CDC42BPG: variants seen among roughly 807,000 people sequenced by gnomAD.
CDC42BPG encodes the protein CDC42 binding protein kinase gamma.
In CDC42BPG, 157 loss-of-function variants were observed where a neutral mutation model predicts 192.2. That is an observed-to-expected ratio of 0.82 (90% CI 0.72 to 0.93). The LOEUF (loss-of-function observed/expected upper bound fraction) is 0.93. Ranked by LOEUF, CDC42BPG falls within the 40% of genes least tolerant of loss-of-function variation. The probability of loss-of-function intolerance (pLI) is 0.00; values close to 1 mark genes in which losing one functional copy is unlikely to be tolerated. For synonymous variants in CDC42BPG, 981 were observed against 918.5 expected (o/e 1.07, Z -1.23); for missense variants, 1,992 against 2,122.1 (o/e 0.94, Z 1.20).
rs780862462 is a variant in CDC42BPG, at chr11:64,829,715, G to A, written c.3723C>T (p.Gly1241=). The A allele has an allele frequency of 9.3e-6, 15 of 1,610,040 alleles. 1 individual carries two copies. The highest frequency in any genetic ancestry group is 6.7e-5 in the African/African-American group (5 of 74,892). Residue 1241 remains glycine (G), a synonymous_variant, in exon 30 of 37, where the codon GGC becomes GGT. Coordinates refer to ENST00000342711, the MANE Select transcript of CDC42BPG (RefSeq NM_017525.3). ...GGTAGAGTGCAAAGCCACCGGCGGC[G>A]CCCACACATAGCCGGTCGCCCAGCA... The part of the protein sequence containing the change: ...LGLLGDRLCV[G]AAGGFALYPL...
rs148155039 is a variant in CDC42BPG, at chr11:64,829,985, G to C, written c.3453C>G (p.Arg1151=). 4 of 1,612,908 alleles carry C rather than the reference G, an allele frequency of 2.5e-6. No individual in the cohort carries two copies. The highest frequency in any genetic ancestry group is 3.4e-6 in the Non-Finnish European group (4 of 1,179,880). ...GGGCAAAGAGACGCACGCTGGGGCCGCGGCCACACAGCACGACCAGCAGGC... is the reference window on the plus strand; with the variant it reads ...GGGCAAAGAGACGCACGCTGGGGCCCCGGCCACACAGCACGACCAGCAGGC... ...SAGLLVVLCG[R]GPSVRLFALA... Residue 1151 remains arginine (R), a synonymous_variant, in exon 30 of 37, where the codon CGC becomes CGG. Coordinates refer to ENST00000342711, the MANE Select transcript of CDC42BPG (RefSeq NM_017525.3).
At chr11:64,833,200 T>C in intron 24 of CDC42BPG, 31 bp downstream of exon 24, 1 of 1,496,202 alleles carries the variant, frequency 6.7e-7, no homozygotes, top group Non-Finnish European at 9.1e-7. Flanking sequence ...CCTGGGACCG[T>C]GGCTGGAGCA....
Position 64,831,666 on chromosome 11 carries a change from G to C in CDC42BPG, c.3143C>G (p.Ala1048Gly). ...PPTTCTVLLL[A>G]ESEGERERWL... ...GCGTTCCCGCTCCCCCTCGCTCTCT[G>C]CCAGCAGCAGCACAGTGCACGTGGT... The change falls in exon 28 of 37, where the codon GCA (alanine) becomes GGA (glycine). Residue 1048 changes from alanine (A) to glycine (G), a missense_variant. Coordinates refer to ENST00000342711, the MANE Select transcript of CDC42BPG (RefSeq NM_017525.3). The C allele has an allele frequency of 2.5e-6, 4 of 1,609,412 alleles. No individual in the cohort carries two copies. Among genetic ancestry groups the C allele is most frequent in the Non-Finnish European group, 3.4e-6 (4 of 1,179,570 alleles).
intron 27 of CDC42BPG, among the ~76,000 whole-genome samples, chr11:64,832,182 G>A (rs562623950): frequency 1.3e-5 from 2 of 152,236 alleles, no homozygotes; most frequent in Admixed American, 6.5e-5. Context: ...GAGAGGGCTG[G>A]GAGGCCTGCA....
chr11:64,832,696 A>G lies in CDC42BPG; in HGVS notation c.2913T>C (p.Ala971=), dbSNP rs757704805. 6.2e-7 allele frequency: 1 copy of G among 1,613,012 alleles called. No homozygotes were observed. Among genetic ancestry groups the G allele is most frequent in the Non-Finnish European group, 8.5e-7 (1 of 1,179,596 alleles). Residue 971 remains alanine (A), a synonymous_variant, in exon 26 of 37, where the codon GCT becomes GCC. Transcript: ENST00000342711. ...GCAGCAGGCGTGAGTCACTCAGGGC[A>G]GCAAACACGCGCTGCCAGCCCCGCC... is the stretch of plus-strand genomic sequence containing the variant. The part of the protein sequence containing the change: ...GVRRGWQRVF[A]ALSDSRLLLF...
In CDC42BPG at chr11:64,836,947, C is replaced by T. The variant is rs1360650660; in HGVS notation, c.1278G>A (p.Lys426=). ...ERKLQCLEQE[K]VELSRKHQEA... ...CTTGGTGCTTCCTGCTCAGCTCCAC[C>T]TTCTCCTGCTCCAGACACTGGAGCT... Residue 426 remains lysine (K), a synonymous_variant, in exon 10 of 37, where the codon AAG becomes AAA. Coordinates refer to ENST00000342711, the MANE Select transcript of CDC42BPG (RefSeq NM_017525.3). 9 of 1,613,372 alleles carry T rather than the reference C, an allele frequency of 5.6e-6. No individual in the cohort carries two copies. The highest frequency in any genetic ancestry group is 7.6e-6 in the Non-Finnish European group (9 of 1,179,946).
chr11:64,832,935 G>C lies in CDC42BPG; in HGVS notation c.2756C>G (p.Thr919Ser). Residue 919 changes from threonine (T) to serine (S), a missense_variant, in exon 25 of 37, where the codon ACC (threonine) becomes AGC (serine). Thr to Ser is a moderately conservative substitution (Grantham distance 58). This residue lies in a region of CDC42BPG where 1,656 missense variants were observed against 1,844.3 expected (regional missense o/e 0.90). Transcript: ENST00000342711. Reference protein sequence around the residue: ...CDACGYFCHTTCAPQAPPCPV... With the variant: ...CDACGYFCHTSCAPQAPPCPV... ...GCAGGGTGGGGCCTGTGGGGCACAGGTTGTGTGACAAAAGTAGCCGCAGGC... is the reference window on the plus strand; with the variant it reads ...GCAGGGTGGGGCCTGTGGGGCACAGCTTGTGTGACAAAAGTAGCCGCAGGC... 2 of 1,538,890 alleles carry C rather than the reference G, an allele frequency of 1.3e-6. No homozygotes were observed. The highest frequency in any genetic ancestry group is 1.4e-5 in the African/African-American group (1 of 72,640).
intron 9 of CDC42BPG, 126 bp from the exon 10 acceptor site, chr11:64,837,145 C>A (rs1410183483): frequency 2.4e-6 from 2 of 824,672 alleles, no homozygotes; most frequent in South Asian, 1.6e-5. Flanking sequence ...TCGGGAGACC[C>A]CAGACTGGTG....
chr11:64,844,355 G>T, intron 1 of CDC42BPG, 55 bp downstream of exon 1: 3 of 1,326,806 alleles, frequency 2.3e-6, no homozygotes, highest in Non-Finnish European at 2.9e-6. Context: ...GGGTGCGGGG[G>T]TCTCGGCGCG....
intron 1 of CDC42BPG, 66 bp from the exon 2 acceptor site, chr11:64,841,970 G>T: frequency 7.5e-7 from 1 of 1,328,800 alleles, no homozygotes; most frequent in Non-Finnish European, 1.1e-6. Flanking sequence ...TCTCACCTTG[G>T]GCAAGCCAGG....
chr11:64,840,556 G>C lies in CDC42BPG; in HGVS notation c.429C>G (p.Tyr143Ter). The change falls in exon 4 of 37, where the codon TAC (tyrosine) becomes TAG (stop). Residue 143 changes from tyrosine (Y) to a stop codon, truncating the protein, a stop_gained. Coordinates refer to ENST00000342711, the MANE Select transcript of CDC42BPG (RefSeq NM_017525.3). LOFTEE classifies it high-confidence loss of function. ...CAGCCCCGCCACGTATCCTCACCAGGTACTCCTCGTCTTGGAAGGCATAGT... is the reference window on the plus strand; with the variant it reads ...CAGCCCCGCCACGTATCCTCACCAGCTACTCCTCGTCTTGGAAGGCATAGT... ...TLHYAFQDEEYLYLVMDYYAG... is the reference protein window; with the variant it reads ...TLHYAFQDEE The C allele has an allele frequency of 6.2e-7, 1 of 1,613,708 alleles. No homozygotes were observed. Among genetic ancestry groups the C allele is most frequent in the East Asian group, 2.2e-5 (1 of 44,870 alleles).
rs375268285 is a variant in CDC42BPG at position 64,827,512 on chromosome 11, C to A, written c.4150+15G>T. 5.6e-6 allele frequency: 9 copies of A among 1,611,568 alleles called. No individual in the cohort carries two copies. Among genetic ancestry groups the A allele is most frequent in the African/African-American group, 2.7e-5 (2 of 74,866 alleles). On this transcript the variant is annotated intron_variant, in intron 32 of 36. Coordinates refer to ENST00000342711, the MANE Select transcript of CDC42BPG (RefSeq NM_017525.3). ...ACTGGGGAACGCACACACCCGTACA[C>A]ACGCACTCCCTCACCTGCCAGCTGG... is the stretch of plus-strand genomic sequence containing the variant.
Position 64,835,380 on chromosome 11 carries a change from C to T in CDC42BPG, c.1920G>A (p.Glu640=). 5 of 1,613,998 alleles carry T rather than the reference C, an allele frequency of 3.1e-6. No homozygotes were observed. The highest frequency in any genetic ancestry group is 3.4e-6 in the Non-Finnish European group (4 of 1,180,018). ...GKEEALCQLQ[E]ENRRLSREQE... ...GCTCCCGGCTCAGCCTCCGGTTTTC[C>T]TCCTGCAGCTGGCACAGAGCCTCCT... is the stretch of plus-strand genomic sequence containing the variant. Residue 640 remains glutamate, a synonymous_variant, in exon 16 of 37, where the codon GAG becomes GAA. Transcript: ENST00000342711.
intron 24 of CDC42BPG, 87 bp downstream of exon 24, chr11:64,833,144 T>G (rs1942783817): frequency 7.9e-7 from 1 of 1,268,160 alleles, no homozygotes. Context: ...CAGGTGCCAG[T>G]GACCCTGGGA....
intron 9 of CDC42BPG, 44 bp from the exon 10 acceptor site, chr11:64,837,063 CCA>C (rs1592714076): frequency 1.4e-6 from 2 of 1,443,556 alleles, no homozygotes; most frequent in South Asian, 1.1e-5. Context: ...AAACCTCACC[CCA>C]CAGAGTCTCC....
Position 64,830,015 on chromosome 11 carries a change from A to G in CDC42BPG, c.3423T>C (p.Ser1141=). Reference sequence around the variant, plus strand: ...CACACAGCACGACCAGCAGGCCTGCACTGGGGCTCAAGGTCAGCTGCTGCA... The same window carrying G: ...CACACAGCACGACCAGCAGGCCTGCGCTGGGGCTCAAGGTCAGCTGCTGCA... ...RRVQQLTLSP[S]AGLLVVLCGR... Residue 1141 remains serine (S), a synonymous_variant, in exon 30 of 37, where the codon AGT becomes AGC. Coordinates refer to ENST00000342711, the MANE Select transcript of CDC42BPG (RefSeq NM_017525.3). 2 of 1,612,432 alleles carry G rather than the reference A, an allele frequency of 1.2e-6. No homozygotes were observed. Among genetic ancestry groups the G allele is most frequent in the South Asian group, 1.1e-5 (1 of 91,076 alleles).
chr11:64,832,899 G>A lies in CDC42BPG; in HGVS notation c.2792C>T (p.Pro931Leu), dbSNP rs538966181. Residue 931 changes from proline to leucine, a missense_variant, in exon 25 of 37, where the codon CCT becomes CTT. Transcript: ENST00000342711. ...TCCCAGGGCTGTGCGGAGGAGGTCA[G>A]GGGGCACGGGGCAGGGTGGGGCCTG... is the stretch of plus-strand genomic sequence containing the variant. ...APQAPPCPVPPDLLRTALGVH... is the reference protein window; with the variant it reads ...APQAPPCPVPLDLLRTALGVH... 2 of 1,552,096 alleles carry A rather than the reference G, an allele frequency of 1.3e-6. No individual in the cohort carries two copies. The highest frequency in any genetic ancestry group is 4.9e-5 in the East Asian group (2 of 41,014).
chr11:64,835,767 C>G lies in CDC42BPG; in HGVS notation c.1753G>C (p.Ala585Pro). 6.2e-7 allele frequency: 1 copy of G among 1,613,476 alleles called. No homozygotes were observed. The highest frequency in any genetic ancestry group is 1.1e-5 in the South Asian group (1 of 91,076). The change falls in exon 14 of 37, where the codon GCC becomes CCC. Residue 585 changes from alanine to proline, a missense_variant. Physicochemically the swap from Ala to Pro is conservative, Grantham distance 27. Coordinates refer to ENST00000342711, the MANE Select transcript of CDC42BPG (RefSeq NM_017525.3). ...AAGGGGGAGGACTTGACTACCTTGG[C>G]CTGGGACGACTCCTCAAGGCGTTGC... ...WEQRLEESSQAKTIHTASETN... is the reference protein window; with the variant it reads ...WEQRLEESSQPKTIHTASETN...
At chr11:64,842,783 AG>A (rs1943335928) in intron 1 of CDC42BPG, among the ~76,000 whole-genome samples, 1 of 152,120 alleles carries the variant, frequency 6.6e-6, no homozygotes, top group South Asian at 2.1e-4. Flanking sequence ...ATTGGGTCTT[AG>A]GGAGGCAGGA....
Sources: allele counts gnomAD v4.1 joint callset (sites outside exome capture counted in the v4.1 genomes callset), GRCh38; gene constraint gnomAD v4.1.1; regional missense constraint gnomAD v4.1.1; transcripts MANE v1.5; gene names NCBI Gene and HGNC (gene_info 2026-07-23, HGNC 2026-07-21).